SGCZ: variants seen among roughly 807,000 people sequenced by gnomAD.
SGCZ encodes the protein zeta-sarcoglycan.
In SGCZ, 40 loss-of-function variants were observed where a neutral mutation model predicts 41.3. The ratio of observed to expected loss-of-function variants is 0.97; its 90% CI spans 0.75 to 1.26. The LOEUF (loss-of-function observed/expected upper bound fraction) is 1.26. Among genes scored for constraint, SGCZ ranks in the 50% most tolerant of loss-of-function variants. The probability of loss-of-function intolerance (pLI) is 0.00; values close to 1 mark genes in which losing one functional copy is unlikely to be tolerated. For missense variants in SGCZ, 552 were observed against 369.8 expected (o/e 1.49, Z -4.04); for synonymous variants, 206 against 137.5 (o/e 1.50, Z -3.49).
intron 1 of SGCZ, among the ~76,000 whole-genome samples, chr8:15,216,422 G>A (rs750296734): frequency 4.0e-5 from 6 of 151,628 alleles, no homozygotes. Context: ...GAGTTTCACC[G>A]TGTTCGCCAG....
At chr8:14,351,114 T>C (rs1373460898) in intron 2 of SGCZ, among the ~76,000 whole-genome samples, 2 of 152,104 alleles carry the variant, frequency 1.3e-5, no homozygotes, top group Admixed American at 6.6e-5. Flanking sequence ...CTAATTTTCA[T>C]TAATGCTGTT....
At position 14,680,249 on chromosome 8, in the gene SGCZ, T is replaced by G. The variant is rs954514822; in HGVS notation, c.40-125323A>C. 3.9e-5 allele frequency among the ~76,000 whole-genome samples: 6 copies of G among 152,246 alleles called. No individual in the cohort carries two copies. In the South Asian group the frequency reaches 6.2e-4, roughly 16 times the overall value. On this transcript the variant is annotated intron_variant, in intron 1 of 7. Transcript: ENST00000382080. Reference sequence around the variant, plus strand: ...TGGTGGAATTTTAGGGCAGTGAAACTGCTCTGTATGATGCTATAATGGTGT... The same window carrying G: ...TGGTGGAATTTTAGGGCAGTGAAACGGCTCTGTATGATGCTATAATGGTGT...
rs531500191 is a variant in SGCZ, at chr8:15,010,105, GAAT to G, written c.39+227477_39+227479del. 6.0e-4 allele frequency among the ~76,000 whole-genome samples: 91 copies of G among 152,172 alleles called. 1 individual carries two copies. In the South Asian group the frequency reaches 0.019, roughly 32 times the overall value. ...AGAAATAGTCATCTCCTAGCAACAG[GAAT>G]AATGTTAGCCTGTTGTTCATAATGG... On this transcript the variant is annotated intron_variant, in intron 1 of 7. Coordinates refer to ENST00000382080, the MANE Select transcript of SGCZ (RefSeq NM_139167.4).
rs190143453 is a variant in SGCZ at position 15,179,263 on chromosome 8, T to G, written c.39+58322A>C. Among the ~76,000 whole-genome samples the G allele has an allele frequency of 5.3e-5, 8 of 152,306 alleles. No homozygotes were observed. In the East Asian group the frequency reaches 1.5e-3, roughly 29 times the overall value. ...TAGATTTTTCTTCAGATAGAGGGAA[T>G]GAGGATGGTGTATATGAATAGTGAA... On this transcript the variant is annotated intron_variant, in intron 1 of 7. Transcript: ENST00000382080.
chr8:14,975,809 A>ATATATATATATATATGTGTG (rs1181919961), intron 1 of SGCZ, among the ~76,000 whole-genome samples: 104 of 131,866 alleles, frequency 7.9e-4, no homozygotes, highest in Admixed American at 1.7e-3. Context: ...ATATATATAT[A>ATATATATATATATATGTGTG]TGTGTGTGTG....
intron 2 of SGCZ, among the ~76,000 whole-genome samples, chr8:14,465,018 A>C: frequency 6.6e-6 from 1 of 151,686 alleles, no homozygotes; most frequent in Non-Finnish European, 1.5e-5. Context: ...TCCTTGAAAA[A>C]GCCCCATGTA....
chr8:14,704,333 G>A (rs960139567), intron 1 of SGCZ, among the ~76,000 whole-genome samples: 2 of 151,940 alleles, frequency 1.3e-5, no homozygotes, highest in African/African-American at 2.4e-5. Context: ...CCAAATCAAT[G>A]TAATCATTTT....
chr8:14,716,451 T>C (rs369233992), intron 1 of SGCZ, among the ~76,000 whole-genome samples: 12 of 152,218 alleles, frequency 7.9e-5, no homozygotes, highest in African/African-American at 2.9e-4. Flanking sequence ...CAAAACTGAA[T>C]GCACACTTAC....
At chr8:14,374,358 A>G (rs923240932) in intron 2 of SGCZ, among the ~76,000 whole-genome samples, 1 of 152,208 alleles carries the variant, frequency 6.6e-6, no homozygotes, top group Non-Finnish European at 1.5e-5. Context: ...GAAAGAAAAA[A>G]AGATGATTTG....
At chr8:14,169,156 G>T (rs1804297504) in intron 4 of SGCZ, among the ~76,000 whole-genome samples, 1 of 152,100 alleles carries the variant, frequency 6.6e-6, no homozygotes, top group Non-Finnish European at 1.5e-5. Flanking sequence ...CCTGGAGAAG[G>T]TACAACTTGA....
chr8:14,251,385 G>A (rs1386807359), intron 3 of SGCZ, among the ~76,000 whole-genome samples: 1 of 152,190 alleles, frequency 6.6e-6, no homozygotes, highest in Non-Finnish European at 1.5e-5. Flanking sequence ...CAGAAAATCA[G>A]ATAGTAAATA....
intron 1 of SGCZ, among the ~76,000 whole-genome samples, chr8:15,181,751 T>C (rs570858353): frequency 2.0e-5 from 3 of 152,330 alleles, no homozygotes; most frequent in Admixed American, 6.5e-5. Context: ...AGTACCTACA[T>C]ACATTTGTGT....
chr8:14,687,554 A>G (rs1585182995), intron 1 of SGCZ, among the ~76,000 whole-genome samples: 1 of 151,750 alleles, frequency 6.6e-6, no homozygotes, highest in Non-Finnish European at 1.5e-5. Context: ...ATAGTATTCC[A>G]TGGTGTATAT....
At chr8:15,038,216 C>T (rs1221608357) in intron 1 of SGCZ, among the ~76,000 whole-genome samples, 4 of 152,158 alleles carry the variant, frequency 2.6e-5, no homozygotes, top group African/African-American at 9.6e-5. Context: ...TACTACAAAG[C>T]TATAACAATC....
intron 1 of SGCZ, among the ~76,000 whole-genome samples, chr8:14,695,387 T>C (rs1260340540): frequency 6.6e-6 from 1 of 152,164 alleles, no homozygotes; most frequent in Non-Finnish European, 1.5e-5. Flanking sequence ...ATTAAATGCA[T>C]GTAAAATAAG....
intron 6 of SGCZ, among the ~76,000 whole-genome samples, chr8:14,103,827 A>T (rs191489778): frequency 6.6e-6 from 1 of 152,096 alleles, no homozygotes; most frequent in Non-Finnish European, 1.5e-5. Context: ...TGAAAACTTG[A>T]AGACAATCAC....
chr8:14,427,199 G>A (rs1019606427), intron 2 of SGCZ, among the ~76,000 whole-genome samples: 2 of 151,990 alleles, frequency 1.3e-5, no homozygotes, highest in Non-Finnish European at 2.9e-5. Flanking sequence ...GCCTAATATA[G>A]GATAAAGAGG....
chr8:14,992,586 C>T (rs1171578202), intron 1 of SGCZ, among the ~76,000 whole-genome samples: 1 of 151,428 alleles, frequency 6.6e-6, no homozygotes, highest in Non-Finnish European at 1.5e-5. Context: ...CCTCCTCATC[C>T]AATATACTCC....
At chr8:15,175,759 G>T (rs964432125) in intron 1 of SGCZ, among the ~76,000 whole-genome samples, 1 of 152,076 alleles carries the variant, frequency 6.6e-6, no homozygotes, top group East Asian at 1.9e-4. Context: ...GCAACTTCAA[G>T]ATATAGATAG....
Sources: gnomAD v4.1 joint callset for allele counts (sites outside exome capture counted in the v4.1 genomes callset) on GRCh38, gnomAD v4.1.1 for gene constraint, MANE v1.5 for transcripts, NCBI Gene and HGNC (gene_info 2026-07-23, HGNC 2026-07-21) for gene names.